The following PRRX2 variants were observed in gnomAD, a reference collection of about 807,000 sequenced individuals.
PRRX2 encodes paired related homeobox 2, also known as paired mesoderm homeobox protein 2.
PRRX2 carries 11 observed loss-of-function variants against 18.0 expected under a neutral mutation model. That is an observed-to-expected ratio of 0.61 (90% CI 0.39 to 1.01). The LOEUF (loss-of-function observed/expected upper bound fraction) is 1.01. PRRX2 is among the 50% of genes least tolerant of loss of function. PRRX2 has a pLI of 0.01. For missense variants in PRRX2, 387 were observed against 351.0 expected (o/e 1.10, Z -0.82); for synonymous variants, 177 against 154.8 (o/e 1.14, Z -1.06).
At chr9:129,674,262 A>G (rs985260535) in intron 1 of PRRX2, among the ~76,000 whole-genome samples, 2 of 152,170 alleles carry the variant, frequency 1.3e-5, no homozygotes, top group Non-Finnish European at 2.9e-5. Context: ...AGATGACAGA[A>G]TGGGTCCCCA....
chr9:129,692,522 T>C (rs1832373865), intron 1 of PRRX2, among the ~76,000 whole-genome samples: 1 of 152,174 alleles, frequency 6.6e-6, no homozygotes, highest in Non-Finnish European at 1.5e-5. Context: ...CCAGAGTGGC[T>C]TCACTGCCCT....
Position 129,665,882 on chromosome 9 carries a change from C to G in PRRX2, c.15C>G (p.Ala5=). ...CGCTCGCGGGCATGGACAGCGCGGC[C>G]GCCGCCTTCGCCCTGGACAAGCCGG... MDSA[A]AAFALDKPAL... is the part of the protein sequence containing the mutation. Residue 5 remains alanine, a synonymous_variant, in exon 1 of 4, where the codon GCC becomes GCG. Transcript: ENST00000372469. The surrounding 1 kb of genome is among the most constrained non-coding windows in gnomAD (Gnocchi z 5.3). The G allele has an allele frequency of 9.3e-7, 1 of 1,071,342 alleles. No individual in the cohort carries two copies. The highest frequency in any genetic ancestry group is 1.1e-6 in the Non-Finnish European group (1 of 890,798). The allele number at this position is 1,071,342 out of a possible 1,614,324, so 66.4% of individuals were successfully genotyped here.
At chr9:129,717,514 G>A (rs1161309763) in intron 1 of PRRX2, among the ~76,000 whole-genome samples, 1 of 151,886 alleles carries the variant, frequency 6.6e-6, no homozygotes, top group Non-Finnish European at 1.5e-5. Flanking sequence ...TGGCCAACAT[G>A]GTGAAACTCT....
At chr9:129,691,970 G>T (rs369758357) in intron 1 of PRRX2, among the ~76,000 whole-genome samples, 131 of 151,096 alleles carry the variant, frequency 8.7e-4, no homozygotes, top group African/African-American at 3.1e-3. Context: ...TTGAGGCAGG[G>T]TCTCACTCTG....
intron 1 of PRRX2, among the ~76,000 whole-genome samples, chr9:129,684,357 G>T (rs1293495035): frequency 1.3e-5 from 2 of 151,674 alleles, no homozygotes; most frequent in Admixed American, 6.6e-5. Context: ...TGGGGCCTGG[G>T]TTCTCTCTCT....
rs1564147490 is a variant in PRRX2, at chr9:129,684,524, C to CACACACACACACACACA, written c.259+18398_259+18399insACACACACACACACACA. ...CACACACACACACACACACACACAC[C>CACACACACACACACACA]CACACACACCCCAACAGAAAAGAGA... On this transcript the variant is annotated intron_variant, in intron 1 of 3. Coordinates refer to ENST00000372469, the MANE Select transcript of PRRX2 (RefSeq NM_016307.4). 1.9e-3 allele frequency among the ~76,000 whole-genome samples: 86 copies of CACACACACACACACACA among 45,076 alleles called. 2 individuals are homozygous for CACACACACACACACACA. The highest frequency in any genetic ancestry group is 4.7e-3 in the African/African-American group (69 of 14,628). The allele number at this position is 45,076 out of a possible 152,430, so 29.6% of individuals were successfully genotyped here. A position where few individuals can be genotyped will look rare whatever the true frequency, so the allele number is the denominator to read the frequency against.
At chr9:129,690,429 C>T (rs941339919) in intron 1 of PRRX2, among the ~76,000 whole-genome samples, 2 of 152,084 alleles carry the variant, frequency 1.3e-5, no homozygotes, top group African/African-American at 2.4e-5. Context: ...TGAGAGGGCC[C>T]TCCCAAAGGC....
intron 1 of PRRX2, among the ~76,000 whole-genome samples, chr9:129,697,636 C>T (rs920140938): frequency 5.3e-5 from 8 of 151,908 alleles, no homozygotes; most frequent in Non-Finnish European, 8.8e-5. Context: ...CAGACCCGCG[C>T]GTGCGGAGGG....
At chr9:129,702,515 TGTTCGACTGAG>T (rs2130925481) in intron 1 of PRRX2, among the ~76,000 whole-genome samples, 1 of 152,394 alleles carries the variant, frequency 6.6e-6, no homozygotes, top group East Asian at 1.9e-4. Flanking sequence ...AAATGTGGCC[TGTTCGACTGAG>T]GAATGGAATT....
chr9:129,667,708 C>T (rs1053962456), intron 1 of PRRX2, among the ~76,000 whole-genome samples: 4 of 152,166 alleles, frequency 2.6e-5, no homozygotes, highest in Non-Finnish European at 4.4e-5. Context: ...TGGGGACAGC[C>T]AGGGAAGGCC....
chr9:129,693,640 C>T (rs748251105), intron 1 of PRRX2, among the ~76,000 whole-genome samples: 5 of 151,588 alleles, frequency 3.3e-5, no homozygotes, highest in Admixed American at 1.3e-4. Context: ...GGGCAAAACT[C>T]GCCTTGCCAT....
chr9:129,668,610 T>G (rs1022037733), intron 1 of PRRX2, among the ~76,000 whole-genome samples: 1 of 151,240 alleles, frequency 6.6e-6, no homozygotes, highest in Non-Finnish European at 1.5e-5. Flanking sequence ...AAACCCCATC[T>G]CTACTAAAAA....
intron 1 of PRRX2, among the ~76,000 whole-genome samples, chr9:129,700,211 C>T (rs1043640930): frequency 1.3e-5 from 2 of 152,166 alleles, no homozygotes; most frequent in Non-Finnish European, 2.9e-5. Context: ...AACTGAAGCA[C>T]AGAGAGGTTG....
At chr9:129,699,704 A>T (rs1431774664) in intron 1 of PRRX2, among the ~76,000 whole-genome samples, 1 of 152,174 alleles carries the variant, frequency 6.6e-6, no homozygotes, top group East Asian at 1.9e-4. Context: ...CCAGTGTGTG[A>T]CTGTGCCATG....
intron 1 of PRRX2, among the ~76,000 whole-genome samples, chr9:129,686,156 C>T (rs1832297116): frequency 6.6e-6 from 1 of 152,106 alleles, no homozygotes; most frequent in African/African-American, 2.4e-5. Context: ...GCAGGGGCAC[C>T]CAGTGAAGCT....
chr9:129,679,640 A>T (rs1331668018), intron 1 of PRRX2, among the ~76,000 whole-genome samples: 1 of 152,058 alleles, frequency 6.6e-6, no homozygotes, highest in Non-Finnish European at 1.5e-5. Flanking sequence ...GCTGACTGCG[A>T]CCTTACCCAG....
Position 129,673,763 on chromosome 9 carries a change from T to G in PRRX2, c.259+7637T>G, listed in dbSNP as rs138712265. Among the ~76,000 whole-genome samples, 381 of 152,238 alleles carry G rather than the reference T, an allele frequency of 2.5e-3. 1 individual carries two copies. The highest frequency in any genetic ancestry group is 7.4e-3 in the African/African-American group (306 of 41,546). ...TGTTAGTGGTCAGGGTGGCCGCAGC[T>G]GCTGGAGAGTAGATGGGCAGATACA... On this transcript the variant is annotated intron_variant, in intron 1 of 3. Transcript: ENST00000372469.
At chr9:129,699,399 G>C (rs540671473) in intron 1 of PRRX2, among the ~76,000 whole-genome samples, 63 of 152,178 alleles carry the variant, frequency 4.1e-4, no homozygotes, top group African/African-American at 1.5e-3. Context: ...ACTGCAGCCT[G>C]GGCAACAGGG....
chr9:129,716,107 GC>G (rs1437707486), intron 1 of PRRX2, among the ~76,000 whole-genome samples: 1 of 152,172 alleles, frequency 6.6e-6, no homozygotes, highest in Non-Finnish European at 1.5e-5. Flanking sequence ...CGGTGGGAAT[GC>G]AAAATAAGAC....
Sources: gnomAD v4.1 joint callset for allele counts (sites outside exome capture counted in the v4.1 genomes callset) on GRCh38, gnomAD v4.1.1 for gene constraint, Gnocchi (gnomAD v3.1) non-coding constraint, MANE v1.5 for transcripts, NCBI Gene and HGNC (gene_info 2026-07-23, HGNC 2026-07-21) for gene names.